Variants in DPP6 observed in about 807,000 individuals in gnomAD.
The protein encoded by DPP6 is dipeptidyl peptidase like 6, also known as A-type potassium channel modulatory protein DPP6.
A neutral mutation model predicts 122.6 loss-of-function variants in DPP6; 69 were observed. The observed-to-expected ratio is 0.56, with a 90% CI of 0.46 to 0.69. DPP6 has a LOEUF of 0.69. Among genes scored for constraint, DPP6 ranks in the 30% least tolerant of loss-of-function variants. The pLI is 0.00. For synonymous variants in DPP6, 418 were observed against 433.1 expected, an observed-to-expected ratio of 0.97 and a Z score of 0.43; for missense variants, 928 against 1,116.9, an observed-to-expected ratio of 0.83 and a Z score of 2.41.
the DPP6 span, among the ~76,000 whole-genome samples, chr7:153,783,106 C>T: frequency 2.0e-5 from 3 of 152,106 alleles, no homozygotes; most frequent in African/African-American, 4.8e-5. Context: ...CTTTACAAAG[C>T]CAGTGTAAAG....
At position 154,041,371 on chromosome 7, in the gene DPP6, G is replaced by A. The variant is rs188167420; in HGVS notation, c.51+153637G>A. On this transcript the variant is annotated intron_variant, in intron 1 of 25. Transcript: ENST00000404039. ...TCTTTTTAGATTGTGAGCTACAGGC[G>A]GCCATATGTGTTTTAAAGGTTAGGT... Among the ~76,000 whole-genome samples, 362 of 152,304 alleles carry A rather than the reference G, an allele frequency of 2.4e-3. 3 individuals are homozygous for A. Among genetic ancestry groups the A allele is most frequent in the African/African-American group, 8.2e-3 (340 of 41,566 alleles).
Position 154,465,984 on chromosome 7 carries a change from A to T in DPP6, c.359-8955A>T, listed in dbSNP as rs868188027. 2.0e-5 allele frequency among the ~76,000 whole-genome samples: 3 copies of T among 152,206 alleles called. No homozygotes were observed. The South Asian group carries it at 6.2e-4, about 32-fold the overall frequency. On this transcript the variant is annotated intron_variant, in intron 2 of 25. Coordinates refer to ENST00000377770, the MANE Select transcript of DPP6 (RefSeq NM_130797.4). ...AATGCCCATCAATGTTAGACTGGAT[A>T]AAAAAATGTGGCACATATATACCAT...
chr7:154,827,851 G>A (rs1800301411), intron 16 of DPP6, among the ~76,000 whole-genome samples: 1 of 152,170 alleles, frequency 6.6e-6, no homozygotes, highest in Non-Finnish European at 1.5e-5. Context: ...AGAGGTAGCA[G>A]CGATGGTGAT....
chr7:153,791,202 GA>G, the DPP6 span, among the ~76,000 whole-genome samples: 2 of 152,106 alleles, frequency 1.3e-5, no homozygotes, highest in Admixed American at 1.3e-4. Context: ...TTAGAAGTTA[GA>G]AAAGACTGAC....
chr7:153,796,014 G>A, the DPP6 span, among the ~76,000 whole-genome samples: 1 of 148,240 alleles, frequency 6.7e-6, no homozygotes, highest in African/African-American at 2.5e-5. Context: ...AATTTATTGA[G>A]ACTTGTTTCA....
At chr7:154,891,065 C>T (rs963834247) in intron 25 of DPP6, 1 of 152,012 alleles carries the variant, frequency 6.6e-6, no homozygotes, top group Non-Finnish European at 1.5e-5. Context: ...CCCATCTCTA[C>T]AAAAAGTTTT....
chr7:153,911,114 G>C (rs572870038), intron 1 of DPP6, among the ~76,000 whole-genome samples: 13 of 152,324 alleles, frequency 8.5e-5, no homozygotes, highest in African/African-American at 3.1e-4. Context: ...GGCTGATGTA[G>C]AGGCCTCCAG....
chr7:154,720,408 T>A (rs894170832), intron 7 of DPP6, among the ~76,000 whole-genome samples: 1 of 152,198 alleles, frequency 6.6e-6, no homozygotes, highest in African/African-American at 2.4e-5. Flanking sequence ...ATGTTATCAT[T>A]CTCCTGGGCC....
rs552919287 is a variant in DPP6, at chr7:154,627,000, C to CTTTTTTTTTTTTTTTTTTTTTTTTTTTT, written c.628-10817_628-10790dup. ...ATCTGGGGTCCATTAGAAATTTTTT[C>CTTTTTTTTTTTTTTTTTTTTTTTTTTTT]TTTTTTTTTTTTTTTTTTTTTTTTT... On this transcript the variant is annotated intron_variant, in intron 5 of 25. Transcript: ENST00000377770. Among the ~76,000 whole-genome samples, 3 of 52,092 alleles carry CTTTTTTTTTTTTTTTTTTTTTTTTTTTT rather than the reference C, an allele frequency of 5.8e-5. 1 individual carries two copies. Among genetic ancestry groups the CTTTTTTTTTTTTTTTTTTTTTTTTTTTT allele is most frequent in the Non-Finnish European group, 1.0e-4 (3 of 29,792 alleles). 34.2% of individuals were successfully genotyped at this position (52,092 alleles called of 152,430 possible).
At chr7:154,380,544 A>G (rs1160181496) in intron 1 of DPP6, among the ~76,000 whole-genome samples, 1 of 152,214 alleles carries the variant, frequency 6.6e-6, no homozygotes, top group Non-Finnish European at 1.5e-5. Context: ...ATACCTGTGC[A>G]CACCAGGTGA....
intron 16 of DPP6, among the ~76,000 whole-genome samples, chr7:154,827,728 G>T (rs1449357898): frequency 6.5e-4 from 6 of 9,228 alleles, no homozygotes; most frequent in Admixed American, 2.5e-3. Context: ...CGGCTGGCGG[G>T]GGGGGGGTGG....
intron 1 of DPP6, among the ~76,000 whole-genome samples, chr7:153,949,439 G>A (rs1187324066): frequency 6.6e-6 from 1 of 152,180 alleles, no homozygotes. Context: ...GGTGTGTGGT[G>A]CTGGCACTGC....
intron 1 of DPP6, among the ~76,000 whole-genome samples, chr7:154,255,606 C>T (rs1386236552): frequency 6.6e-6 from 1 of 152,196 alleles, no homozygotes; most frequent in Non-Finnish European, 1.5e-5. Context: ...TCCTCCTGCC[C>T]TGTGGGAAGA....
At chr7:154,344,125 G>A (rs1295217840) in intron 1 of DPP6, among the ~76,000 whole-genome samples, 1 of 152,162 alleles carries the variant, frequency 6.6e-6, no homozygotes, top group Non-Finnish European at 1.5e-5. Context: ...TTGGTCCCAA[G>A]CCTTTTCCTC....
Position 154,669,191 on chromosome 7 carries a change from T to C in DPP6, c.681-169T>C, listed in dbSNP as rs73494043. 3.2e-3 allele frequency among the ~76,000 whole-genome samples: 480 copies of C among 152,304 alleles called. 1 individual carries two copies. The highest frequency in any genetic ancestry group is 0.011 in the African/African-American group (460 of 41,554). ...ATTATATACATCTGAAGAAACCTAA[T>C]AGAGACTAAATGAGACATATTACTT... On this transcript the variant is annotated intron_variant, in intron 6 of 25. Transcript: ENST00000377770.
intron 1 of DPP6, among the ~76,000 whole-genome samples, chr7:154,100,882 G>C (rs1285883020): frequency 7.0e-6 from 1 of 143,082 alleles, no homozygotes; most frequent in East Asian, 2.4e-4. Flanking sequence ...AAGCCTGCTG[G>C]GCCTTTAAGA....
intron 1 of DPP6, among the ~76,000 whole-genome samples, chr7:153,987,269 T>C (rs569777112): frequency 1.3e-5 from 2 of 152,336 alleles, no homozygotes; most frequent in East Asian, 1.9e-4. Context: ...ACTAAGCATA[T>C]ATACTGCTCC....
chr7:154,838,765 T>C (rs1404617711), intron 16 of DPP6: 1 of 152,162 alleles, frequency 6.6e-6, no homozygotes, highest in Non-Finnish European at 1.5e-5. Context: ...ACTTTAAACA[T>C]CTCACAAAAT....
chr7:154,155,519 G>A (rs1400044611), intron 1 of DPP6, among the ~76,000 whole-genome samples: 6 of 152,164 alleles, frequency 3.9e-5, no homozygotes, highest in Non-Finnish European at 8.8e-5. Context: ...TCCAGTTCTG[G>A]GAGTGAGTAA....
Sources: gnomAD v4.1 joint callset for allele counts (sites outside exome capture counted in the v4.1 genomes callset) on GRCh38, gnomAD v4.1.1 for gene constraint, MANE v1.5 for transcripts, NCBI Gene and HGNC (gene_info 2026-07-23, HGNC 2026-07-21) for gene names.